Variants in MRAP observed in about 807,000 individuals in gnomAD.
MRAP encodes the protein melanocortin-2 receptor accessory protein.
Under a neutral mutation model 8.7 loss-of-function variants are expected in MRAP, and 8 were observed. That is an observed-to-expected ratio of 0.92 (90% CI 0.54 to 1.66). MRAP has a LOEUF of 1.66. Among genes scored for constraint, MRAP ranks in the 40% most tolerant of loss-of-function variants. The pLI, the probability that MRAP is intolerant of heterozygous loss-of-function variation, is 0.00. For synonymous variants in MRAP, 95 were observed against 95.5 expected, an observed-to-expected ratio of 1.00 and a Z score of 0.03; for missense variants, 237 against 217.1, an observed-to-expected ratio of 1.09 and a Z score of -0.58.
chr21:32,310,301 G>C (rs113138097), intron 2 of MRAP, among the ~76,000 whole-genome samples: 180 of 152,188 alleles, frequency 1.2e-3, no homozygotes, highest in African/African-American at 4.2e-3. Flanking sequence ...GCAAGATTTA[G>C]GAGTCATTCC....
upstream of MRAP, among the ~76,000 whole-genome samples, chr21:32,298,613 A>G (rs1379325919): frequency 6.6e-6 from 1 of 152,162 alleles, no homozygotes; most frequent in East Asian, 1.9e-4. Flanking sequence ...CCTATTGGGC[A>G]TCTTCTAAGG....
intron 2 of MRAP, among the ~76,000 whole-genome samples, chr21:32,307,243 A>G (rs10154091): frequency 0.14 from 20,971 of 152,050 alleles, 1,761 homozygotes; most frequent in African/African-American, 0.23. Flanking sequence ...GGAAGGGGGA[A>G]TGACTACTGA....
At chr21:32,297,763 A>G (rs2032167016), upstream of MRAP, among the ~76,000 whole-genome samples, 1 of 152,184 alleles carries the variant, frequency 6.6e-6, no homozygotes. Flanking sequence ...GCGGGAGCAG[A>G]GGTTTTATTT....
At chr21:32,302,210 TAAG>T (rs1250625345) in intron 1 of MRAP, among the ~76,000 whole-genome samples, 1 of 152,334 alleles carries the variant, frequency 6.6e-6, no homozygotes, top group African/African-American at 2.4e-5. Flanking sequence ...TGGAAATAGT[TAAG>T]ACTGACCCAG....
At chr21:32,304,953 GTTTTTTTTGTTGTTTTT>G (rs1445093903) in intron 1 of MRAP, among the ~76,000 whole-genome samples, 20 of 113,824 alleles carry the variant, frequency 1.8e-4, no homozygotes, top group African/African-American at 6.6e-4. Flanking sequence ...AGGGGGATTT[GTTTTTTTTGTTGTTTTT>G]TTTTTTTTTT....
chr21:32,314,614 T>C (rs1487307756), downstream of MRAP: 4 of 1,614,236 alleles, frequency 2.5e-6, no homozygotes, highest in Non-Finnish European at 3.4e-6. Context: ...CTATTTCCTG[T>C]GATGAGCTCC....
At chr21:32,306,493 A>G in intron 1 of MRAP, 147 bp from the exon 2 acceptor site, 2 of 710,200 alleles carry the variant, frequency 2.8e-6, no homozygotes, top group East Asian at 5.4e-5. Context: ...TTAATGGGAG[A>G]TCTTCCCCAT....
intron 2 of MRAP, among the ~76,000 whole-genome samples, chr21:32,307,239 G>C (rs1252594872): frequency 6.6e-6 from 1 of 152,096 alleles, no homozygotes; most frequent in Non-Finnish European, 1.5e-5. Context: ...GCGGGGAAGG[G>C]GGAATGACTA....
chr21:32,295,049 T>C (rs1234254978), upstream of MRAP, among the ~76,000 whole-genome samples: 1 of 151,456 alleles, frequency 6.6e-6, no homozygotes, highest in East Asian at 1.9e-4. Context: ...GGCAACTAGA[T>C]CTAGATGATG....
intron 2 of MRAP, 63 bp from the exon 3 acceptor site, chr21:32,311,621 C>A: frequency 6.4e-7 from 1 of 1,572,870 alleles, no homozygotes; most frequent in Non-Finnish European, 8.6e-7. Flanking sequence ...ACCCCCCAGC[C>A]CCACAGTATG....
At chr21:32,293,586 C>T (rs547385752) in intron 2 of MRAP, among the ~76,000 whole-genome samples, 6 of 152,254 alleles carry the variant, frequency 3.9e-5, no homozygotes, top group Non-Finnish European at 8.8e-5. Flanking sequence ...TCCAGGTCAT[C>T]GTTCAATAAA....
chr21:32,314,715 G>C, downstream of MRAP: 1 of 1,532,312 alleles, frequency 6.5e-7, no homozygotes, highest in Non-Finnish European at 9.0e-7. Flanking sequence ...TCTGATGCTG[G>C]GCACCTACAG....
chr21:32,304,871 G>C (rs2032370300), intron 1 of MRAP, among the ~76,000 whole-genome samples: 1 of 151,612 alleles, frequency 6.6e-6, no homozygotes, highest in Non-Finnish European at 1.5e-5. Flanking sequence ...CCAAGTTGCT[G>C]ATGAATTACA....
upstream of MRAP, among the ~76,000 whole-genome samples, chr21:32,294,797 TTAA>T (rs2032111408): frequency 6.6e-6 from 1 of 152,118 alleles, no homozygotes; most frequent in Non-Finnish European, 1.5e-5. Flanking sequence ...ATTTAACATC[TTAA>T]TAATACTGAA....
upstream of MRAP, among the ~76,000 whole-genome samples, chr21:32,295,272 C>T (rs1415849612): frequency 1.3e-5 from 2 of 152,146 alleles, no homozygotes; most frequent in Non-Finnish European, 2.9e-5. Flanking sequence ...GGGCAACTGG[C>T]GAGATCAAGT....
chr21:32,300,542 C>T (rs537385892), intron 1 of MRAP, among the ~76,000 whole-genome samples: 18 of 145,118 alleles, frequency 1.2e-4, no homozygotes, highest in East Asian at 4.3e-4. Flanking sequence ...ATGTCAGATG[C>T]GTCACGTGTC....
intron 1 of MRAP, among the ~76,000 whole-genome samples, chr21:32,301,733 C>T (rs1178983180): frequency 1.3e-5 from 2 of 152,078 alleles, no homozygotes; most frequent in East Asian, 3.9e-4. Context: ...CCTCTCAGGT[C>T]AATATATCTG....
At chr21:32,295,414 T>C (rs1601093190), upstream of MRAP, among the ~76,000 whole-genome samples, 1 of 152,178 alleles carries the variant, frequency 6.6e-6, no homozygotes, top group Non-Finnish European at 1.5e-5. Context: ...GCCCAACTCC[T>C]GAGATCCTAT....
chr21:32,313,192 C>G (rs559300300), downstream of MRAP: 1 of 152,332 alleles, frequency 6.6e-6, no homozygotes, highest in Non-Finnish European at 1.5e-5. Context: ...GGGATGAAGC[C>G]GTGGAAATCC....
Sources: gnomAD v4.1 joint callset for allele counts (sites outside exome capture counted in the v4.1 genomes callset) on GRCh38, gnomAD v4.1.1 for gene constraint, MANE v1.5 for transcripts, NCBI Gene and HGNC (gene_info 2026-07-23, HGNC 2026-07-21) for gene names.